FRMPD4: variants seen among roughly 807,000 people sequenced by gnomAD.
FRMPD4 encodes FERM and PDZ domain containing 4.
In FRMPD4, 22 loss-of-function variants were observed where a neutral mutation model predicts 94.1. That is an observed-to-expected ratio of 0.23 (90% CI 0.17 to 0.33). The LOEUF (loss-of-function observed/expected upper bound fraction) is 0.33. FRMPD4 is among the 10% of genes least tolerant of loss of function. FRMPD4 has a pLI of 1.00. For synonymous variants in FRMPD4, 631 were observed against 548.6 expected (o/e 1.15, Z -2.10); for missense variants, 1,111 against 1,339.9 (o/e 0.83, Z 2.67).
At chrX:12,127,000 C>T (rs1172640830) in intron 3 of FRMPD4, among the ~76,000 whole-genome samples, 1 of 112,180 alleles carries the variant, frequency 8.9e-6, no homozygotes, top group Non-Finnish European at 1.9e-5. Context: ...ACCCCATTGC[C>T]TACTAAAATG....
chrX:12,186,935 G>A (rs776753697), intron 1 of FRMPD4, among the ~76,000 whole-genome samples: 1 of 111,999 alleles, frequency 8.9e-6, no homozygotes, highest in East Asian at 2.8e-4. Flanking sequence ...TGCACAGTAG[G>A]GGTTACAGGG....
Position 12,444,033 on chromosome X carries a change from C to T in FRMPD4, c.42-54647C>T, listed in dbSNP as rs1177243034. Among the ~76,000 whole-genome samples the T allele has an allele frequency of 3.6e-5, 4 of 111,358 alleles. 1 individual carries two copies. The highest frequency in any genetic ancestry group is 7.6e-4 in the South Asian group (2 of 2,637). ...AATTTTCTGTCCACCTGATGGTTTT[C>T]GGTTCCTTCAGGTCTTGACAGCATA... On this transcript the variant is annotated intron_variant, in intron 1 of 16. Transcript: ENST00000675598.
intron 16 of FRMPD4, among the ~76,000 whole-genome samples, chrX:12,719,184 G>A (rs1414957723): frequency 8.9e-6 from 1 of 112,404 alleles, no homozygotes; most frequent in African/African-American, 3.2e-5. Flanking sequence ...ATTATTGAGG[G>A]ACAAGGAAGG....
At chrX:11,953,604 C>T (rs911602980) in intron 3 of FRMPD4, among the ~76,000 whole-genome samples, 1 of 111,442 alleles carries the variant, frequency 9.0e-6, no homozygotes, top group African/African-American at 3.3e-5. Flanking sequence ...CGAATGGTCC[C>T]ACCAGAAGAT....
At chrX:12,678,748 C>G (rs1458420244) in intron 5 of FRMPD4, among the ~76,000 whole-genome samples, 1 of 112,199 alleles carries the variant, frequency 8.9e-6, no homozygotes, top group Non-Finnish European at 1.9e-5. Flanking sequence ...TCACTTGAAC[C>G]TGGGAGGCAG....
rs550059944 is a variant in FRMPD4 at position 12,450,002 on chromosome X, A to G, written c.42-48678A>G. Reference sequence around the variant, plus strand: ...AGACCTTGTCTCAAAAGAAAAGAAAAAAAAAGAAATTATAGGCAGAAATTA... The same window carrying G: ...AGACCTTGTCTCAAAAGAAAAGAAAGAAAAAGAAATTATAGGCAGAAATTA... On this transcript the variant is annotated intron_variant, in intron 1 of 16. Transcript: ENST00000675598. Among the ~76,000 whole-genome samples, 15 of 110,754 alleles carry G rather than the reference A, an allele frequency of 1.4e-4. No homozygotes were observed. In the South Asian group the frequency reaches 5.8e-3, roughly 43 times the overall value.
At chrX:12,616,522 G>A (rs1333089929) in intron 4 of FRMPD4, among the ~76,000 whole-genome samples, 1 of 111,992 alleles carries the variant, frequency 8.9e-6, no homozygotes, top group Non-Finnish European at 1.9e-5. Context: ...GTACTCCTGG[G>A]GCATCCAGAT....
chrX:12,125,602 G>T (rs1034385618), intron 3 of FRMPD4, among the ~76,000 whole-genome samples: 4 of 110,522 alleles, frequency 3.6e-5, no homozygotes, highest in African/African-American at 1.3e-4. Context: ...GGTGGGTAGA[G>T]GCTGTCTTTC....
chrX:12,410,757 A>G (rs1258947420), intron 1 of FRMPD4, among the ~76,000 whole-genome samples: 6 of 111,574 alleles, frequency 5.4e-5, no homozygotes, highest in African/African-American at 2.0e-4. Context: ...TAAATATTAA[A>G]GTATAAGTAG....
At chrX:12,144,536 A>G (rs1459142554) in intron 1 of FRMPD4, among the ~76,000 whole-genome samples, 6 of 110,201 alleles carry the variant, frequency 5.4e-5, no homozygotes, top group African/African-American at 2.0e-4. Flanking sequence ...AGAATTTGGC[A>G]TAAGATAAAT....
rs754485517 is a variant in FRMPD4 at position 12,698,017 on chromosome X, C to G, written c.933+3563C>G. Among the ~76,000 whole-genome samples the G allele has an allele frequency of 6.3e-5, 7 of 111,973 alleles. No individual in the cohort carries two copies. In the East Asian group the frequency reaches 2.0e-3, roughly 31 times the overall value. On this transcript the variant is annotated intron_variant, in intron 9 of 16. Transcript: ENST00000675598. ...TAAAATAACATCTAATATAAGTCAACAGATCTGCAAATGGTGTCTGGGTGC... is the reference window on the plus strand; with the variant it reads ...TAAAATAACATCTAATATAAGTCAAGAGATCTGCAAATGGTGTCTGGGTGC...
At chrX:12,312,899 C>T (rs908917916) in intron 1 of FRMPD4, among the ~76,000 whole-genome samples, 3 of 111,046 alleles carry the variant, frequency 2.7e-5, no homozygotes, top group Non-Finnish European at 3.8e-5. Flanking sequence ...TAATTGAGTA[C>T]GCACCCATGC....
chrX:12,421,021 T>A (rs2056876091), intron 1 of FRMPD4, among the ~76,000 whole-genome samples: 1 of 112,662 alleles, frequency 8.9e-6, no homozygotes, highest in Non-Finnish European at 1.9e-5. Flanking sequence ...TTTCAGTGCT[T>A]ACAAAAATAT....
At chrX:12,598,957 A>C (rs1233262405) in intron 2 of FRMPD4, among the ~76,000 whole-genome samples, 14 of 112,322 alleles carry the variant, frequency 1.2e-4, no homozygotes, top group African/African-American at 4.5e-4. Context: ...TCTTTTATCA[A>C]AATTAATTCG....
chrX:12,270,413 A>G (rs372755701), intron 1 of FRMPD4, among the ~76,000 whole-genome samples: 1 of 111,759 alleles, frequency 8.9e-6, no homozygotes, highest in East Asian at 2.8e-4. Flanking sequence ...CAGTTTGTTA[A>G]TTTCCCTTAG....
intron 3 of FRMPD4, among the ~76,000 whole-genome samples, chrX:11,952,162 A>G (rs1284731614): frequency 3.5e-5 from 4 of 112,779 alleles, no homozygotes; most frequent in African/African-American, 1.3e-4. Context: ...TGCCTCCTGC[A>G]TATTATAAAT....
chrX:12,305,247 T>C (rs755344061), intron 1 of FRMPD4, among the ~76,000 whole-genome samples: 3 of 111,945 alleles, frequency 2.7e-5, no homozygotes, highest in Admixed American at 9.4e-5. Flanking sequence ...AGTTAGCCTG[T>C]GCCCACAGGC....
At chrX:12,631,759 G>A (rs1031486296) in intron 4 of FRMPD4, among the ~76,000 whole-genome samples, 5 of 111,993 alleles carry the variant, frequency 4.5e-5, no homozygotes, top group East Asian at 2.8e-4. Context: ...CCATCACTTC[G>A]TCAGTGTTGT....
In FRMPD4 at chrX:12,722,442, A is replaced by C. The variant is rs1283303431; in HGVS notation, c.*584A>C. 1 of 111,901 alleles carries C rather than the reference A, an allele frequency of 8.9e-6. No individual in the cohort carries two copies. Among genetic ancestry groups the C allele is most frequent in the Non-Finnish European group, 1.9e-5 (1 of 53,195 alleles). The allele number at this position is 111,901 out of a possible 1,213,427, so 9.2% of individuals were successfully genotyped here. On this transcript the variant is annotated 3_prime_UTR_variant, in exon 17 of 17. Coordinates refer to ENST00000675598, the MANE Select transcript of FRMPD4 (RefSeq NM_001368397.1). The stretch of plus-strand genomic sequence containing the variant: ...TGGTTACTGGATGCTTTCTTCCAAG[A>C]ATCCCACATATTTAATTTGGGTTTT...
Sources: allele counts gnomAD v4.1 joint callset (sites outside exome capture counted in the v4.1 genomes callset), GRCh38; gene constraint gnomAD v4.1.1; transcripts MANE v1.5; gene names NCBI Gene and HGNC (gene_info 2026-07-23, HGNC 2026-07-21).